EFHC2: variants seen among roughly 807,000 people sequenced by gnomAD.
EFHC2 encodes EF-hand domain-containing family member C2.
In EFHC2, 18 loss-of-function variants were observed where a neutral mutation model predicts 52.7. That is an observed-to-expected ratio of 0.34 (90% CI 0.24 to 0.51). EFHC2 has a LOEUF of 0.51. EFHC2 is among the 20% of genes least tolerant of loss of function. EFHC2 has a pLI of 0.97. For missense variants in EFHC2, 513 were observed against 562.5 expected (o/e 0.91, Z 0.89); for synonymous variants, 203 against 204.1 (o/e 0.99, Z 0.04).
intron 14 of EFHC2, among the ~76,000 whole-genome samples, chrX:44,160,602 AC>A (rs1276982696): frequency 1.8e-5 from 2 of 112,090 alleles, no homozygotes; most frequent in East Asian, 5.6e-4. Flanking sequence ...ATATGTAAAA[AC>A]AACCTGAATG....
chrX:44,340,040 G>GCA (rs1192069682), intron 1 of EFHC2, among the ~76,000 whole-genome samples: 8 of 110,986 alleles, frequency 7.2e-5, no homozygotes, highest in African/African-American at 2.3e-4. Context: ...ACACATGCAC[G>GCA]CACACACTCC....
intron 4 of EFHC2, among the ~76,000 whole-genome samples, chrX:44,256,766 C>T (rs1266188466): frequency 1.8e-5 from 2 of 111,297 alleles, no homozygotes. Flanking sequence ...AAAAGAGGCA[C>T]TCCTCCCTAA....
chrX:44,181,503 C>A (rs1687155067), intron 11 of EFHC2, among the ~76,000 whole-genome samples: 1 of 112,151 alleles, frequency 8.9e-6, no homozygotes, highest in South Asian at 3.7e-4. Flanking sequence ...TATAGCACCA[C>A]CAGAACATAA....
chrX:44,209,811 C>T (rs1363196973), intron 11 of EFHC2, among the ~76,000 whole-genome samples: 1 of 109,014 alleles, frequency 9.2e-6, no homozygotes, highest in African/African-American at 3.3e-5. Context: ...CGGAGCTCTG[C>T]CTCCTATCAG....
chrX:44,293,695 T>C (rs754797679), intron 2 of EFHC2, among the ~76,000 whole-genome samples: 29 of 111,726 alleles, frequency 2.6e-4, no homozygotes, highest in African/African-American at 9.1e-4. Context: ...CACTTTTGTA[T>C]AGAACTTCAA....
intron 1 of EFHC2, among the ~76,000 whole-genome samples, chrX:44,338,765 C>CT (rs1280249476): frequency 1.8e-4 from 18 of 102,511 alleles, no homozygotes; most frequent in East Asian, 3.0e-4. Flanking sequence ...CATTAAATTC[C>CT]TTTTTTTTTT....
At position 44,250,534 on chromosome X, in the gene EFHC2, T is replaced by C. The variant is rs776912218; in HGVS notation, c.607-89A>G. 4 of 1,033,563 alleles carry C rather than the reference T, an allele frequency of 3.9e-6. No homozygotes were observed. The African/African-American group carries it at 7.7e-5, about 20-fold the overall frequency. 85.2% of individuals were successfully genotyped at this position (1,033,563 alleles called of 1,213,427 possible). On this transcript the variant is annotated intron_variant, in intron 4 of 14. Coordinates refer to ENST00000420999, the MANE Select transcript of EFHC2 (RefSeq NM_025184.4). The stretch of plus-strand genomic sequence containing the variant: ...CAATCAAGTGACAAATATATAAAGA[T>C]ATATTTTTGGTCAGGCATGGTGGCT...
At chrX:44,203,941 G>A (rs894327228) in intron 11 of EFHC2, among the ~76,000 whole-genome samples, 2 of 110,053 alleles carry the variant, frequency 1.8e-5, no homozygotes, top group African/African-American at 3.3e-5. Context: ...CATCAGGGCA[G>A]GTGCGTCCAC....
At chrX:44,177,960 A>G (rs924406211) in intron 12 of EFHC2, among the ~76,000 whole-genome samples, 2 of 108,260 alleles carry the variant, frequency 1.8e-5, no homozygotes, top group Non-Finnish European at 3.8e-5. Flanking sequence ...TGTCTCTACT[A>G]AAAATACAAA....
chrX:44,294,763 A>G (rs1382597513), intron 2 of EFHC2, among the ~76,000 whole-genome samples: 1 of 111,658 alleles, frequency 9.0e-6, no homozygotes, highest in Non-Finnish European at 1.9e-5. Context: ...AGAGTATGGT[A>G]CCTCCAAATA....
At chrX:44,342,150 C>T (rs60559756) in intron 1 of EFHC2, among the ~76,000 whole-genome samples, 4,791 of 112,571 alleles carry the variant, frequency 0.043, 256 homozygotes, top group African/African-American at 0.15. Context: ...AGGCCAGCCT[C>T]TGCCCATCAA....
intron 2 of EFHC2, among the ~76,000 whole-genome samples, chrX:44,300,962 T>C (rs1459573060): frequency 9.2e-6 from 1 of 108,345 alleles, no homozygotes; most frequent in African/African-American, 3.4e-5. Flanking sequence ...TACACAAAAT[T>C]AGCCGGGCGT....
intron 14 of EFHC2, among the ~76,000 whole-genome samples, chrX:44,162,773 C>A (rs1399897038): frequency 9.0e-6 from 1 of 110,541 alleles, no homozygotes; most frequent in South Asian, 4.0e-4. Flanking sequence ...TGTTCCCCCC[C>A]AGTCTGTTTA....
intron 2 of EFHC2, among the ~76,000 whole-genome samples, chrX:44,301,710 C>T (rs188198664): frequency 5.1e-4 from 57 of 112,019 alleles, no homozygotes; most frequent in African/African-American, 1.7e-3. Context: ...CAGTCAACTG[C>T]TGATCTGCTT....
intron 2 of EFHC2, among the ~76,000 whole-genome samples, chrX:44,298,298 C>T (rs2037842115): frequency 8.9e-6 from 1 of 111,877 alleles, no homozygotes; most frequent in African/African-American, 3.3e-5. Context: ...TGTTTATATA[C>T]ACATTGTCAA....
intron 2 of EFHC2, among the ~76,000 whole-genome samples, chrX:44,278,484 T>C: frequency 8.9e-6 from 1 of 112,177 alleles, no homozygotes; most frequent in East Asian, 2.8e-4. Context: ...GTTCAGGACA[T>C]GCTACCTCGG....
At chrX:44,156,359 A>T (rs2036605833) in intron 14 of EFHC2, among the ~76,000 whole-genome samples, 1 of 112,667 alleles carries the variant, frequency 8.9e-6, no homozygotes, top group Admixed American at 9.4e-5. Context: ...TATTTAAAAA[A>T]TTGGCACCAG....
rs1053875784 is a variant in EFHC2, at chrX:44,268,784, A to G, written c.382+3902T>C. Among the ~76,000 whole-genome samples, 11 of 112,248 alleles carry G rather than the reference A, an allele frequency of 9.8e-5. No individual in the cohort carries two copies. In the Admixed American group the frequency reaches 1.0e-3, roughly 11 times the overall value. ...CTAATGCATTCTTGCCAATCTTTAA[A>G]AACTGCCTTATATGTTTTAAATGAC... On this transcript the variant is annotated intron_variant, in intron 3 of 14. Coordinates refer to ENST00000420999, the MANE Select transcript of EFHC2 (RefSeq NM_025184.4).
At chrX:44,250,675 A>T (rs902714053) in intron 4 of EFHC2, among the ~76,000 whole-genome samples, 17 of 106,400 alleles carry the variant, frequency 1.6e-4, no homozygotes, top group Admixed American at 4.0e-4. Flanking sequence ...AAAAAAAAAA[A>T]TTAGGCAGAT....
Sources: gnomAD v4.1 joint callset for allele counts (sites outside exome capture counted in the v4.1 genomes callset) on GRCh38, gnomAD v4.1.1 for gene constraint, MANE v1.5 for transcripts, NCBI Gene and HGNC (gene_info 2026-07-23, HGNC 2026-07-21) for gene names.